The following NBAS variants were observed in gnomAD, a reference collection of about 807,000 sequenced individuals.
NBAS encodes NBAS subunit of NRZ tethering complex, also known as NAG/BC035112 fusion.
NBAS carries 219 observed loss-of-function variants against 302.5 expected under a neutral mutation model. That is an observed-to-expected ratio of 0.72 (90% CI 0.65 to 0.81). NBAS has a LOEUF of 0.81. Ranked by LOEUF, NBAS falls within the 30% of genes least tolerant of loss-of-function variation. NBAS has a pLI of 0.00. For missense variants in NBAS, 2,932 were observed against 2,841.6 expected, an observed-to-expected ratio of 1.03 and a Z score of -0.72; for synonymous variants, 1,118 against 1,021.6, an observed-to-expected ratio of 1.09 and a Z score of -1.80.
At chr2:14,965,098 A>G in the NBAS span, among the ~76,000 whole-genome samples, 1 of 152,134 alleles carries the variant, frequency 6.6e-6, no homozygotes, top group Non-Finnish European at 1.5e-5. Context: ...TCTCAAATCA[A>G]TAACTTCGCC....
At chr2:15,087,832 C>A in the NBAS span, among the ~76,000 whole-genome samples, 2 of 152,232 alleles carry the variant, frequency 1.3e-5, no homozygotes, top group South Asian at 4.1e-4. Flanking sequence ...CATTTGTTCA[C>A]TTAACAAATA....
the NBAS span, among the ~76,000 whole-genome samples, chr2:14,975,962 G>T: frequency 6.6e-6 from 1 of 151,822 alleles, no homozygotes; most frequent in Non-Finnish European, 1.5e-5. Context: ...AACTGGTACT[G>T]AACTAGCTCT....
chr2:15,207,964 G>C (rs1224790992), intron 48 of NBAS, among the ~76,000 whole-genome samples: 2 of 152,118 alleles, frequency 1.3e-5, no homozygotes, highest in Non-Finnish European at 2.9e-5. Context: ...ATGATAAAAA[G>C]GTCAATTCAG....
chr2:15,369,350 A>G (rs921739561), intron 31 of NBAS, among the ~76,000 whole-genome samples: 1 of 152,182 alleles, frequency 6.6e-6, no homozygotes, highest in Non-Finnish European at 1.5e-5. Context: ...GCAATGGATC[A>G]TGATTTTCTC....
chr2:15,473,932 G>C, intron 15 of NBAS, 135 bp downstream of exon 15: 5 of 1,062,968 alleles, frequency 4.7e-6, no homozygotes, highest in Non-Finnish European at 6.9e-6. Context: ...AAGCTTTATA[G>C]AACTGATATT....
chr2:15,220,920 TG>T (rs1666922629), intron 47 of NBAS, among the ~76,000 whole-genome samples: 1 of 152,200 alleles, frequency 6.6e-6, no homozygotes, highest in African/African-American at 2.4e-5. Context: ...TCTTTCAGTA[TG>T]TATTATTTAA....
chr2:15,057,393 CT>C, the NBAS span, among the ~76,000 whole-genome samples: 73,171 of 148,144 alleles, frequency 0.49, 20,126 homozygotes, highest in African/African-American at 0.77. Flanking sequence ...CCTTTGATAC[CT>C]TTTTTTTTTA....
At chr2:15,421,526 TA>T (rs1218198382) in intron 23 of NBAS, among the ~76,000 whole-genome samples, 1 of 151,736 alleles carries the variant, frequency 6.6e-6, no homozygotes, top group Non-Finnish European at 1.5e-5. Context: ...CCACATCAAT[TA>T]AATCTCTAAA....
chr2:14,887,399 C>CAAAAAAA, the NBAS span, among the ~76,000 whole-genome samples: 1 of 84,646 alleles, frequency 1.2e-5, no homozygotes, highest in African/African-American at 4.5e-5. Flanking sequence ...TGAGACTCCT[C>CAAAAAAA]AAAAAAAAAA....
chr2:15,109,191 A>C, the NBAS span, among the ~76,000 whole-genome samples: 25 of 152,190 alleles, frequency 1.6e-4, no homozygotes, highest in African/African-American at 4.6e-4. Flanking sequence ...TGTATATTAT[A>C]GTCTTTGGTG....
chr2:15,315,183 T>C (rs2148181538), intron 38 of NBAS, among the ~76,000 whole-genome samples: 1 of 152,340 alleles, frequency 6.6e-6, no homozygotes, highest in South Asian at 2.1e-4. Flanking sequence ...AAAAAATAGT[T>C]AAAGATATGC....
At chr2:15,356,443 G>T in intron 32 of NBAS, 27 bp from the exon 33 acceptor site, 2 of 1,519,262 alleles carry the variant, frequency 1.3e-6, no homozygotes, top group South Asian at 1.1e-5. Flanking sequence ...AGGACTTAAT[G>T]ATTATGACAA....
chr2:15,150,326 A>G, the NBAS span, among the ~76,000 whole-genome samples: 1 of 152,192 alleles, frequency 6.6e-6, no homozygotes, highest in Admixed American at 6.5e-5. Context: ...ATCAAGGAGA[A>G]CAATAATTAA....
chr2:15,371,365 G>A (rs1674477664), intron 31 of NBAS, among the ~76,000 whole-genome samples: 1 of 151,800 alleles, frequency 6.6e-6, no homozygotes, highest in African/African-American at 2.4e-5. Flanking sequence ...TGCCCAAAGG[G>A]CATTTTGAGA....
At chr2:15,289,951 C>T (rs111440426) in intron 41 of NBAS, among the ~76,000 whole-genome samples, 6 of 151,754 alleles carry the variant, frequency 4.0e-5, no homozygotes, top group Admixed American at 3.3e-4. Context: ...GAGCTGAGAT[C>T]GTGCCACAGC....
the NBAS span, among the ~76,000 whole-genome samples, chr2:14,872,967 C>G: frequency 2.0e-5 from 3 of 152,136 alleles, no homozygotes; most frequent in Non-Finnish European, 4.4e-5. Flanking sequence ...ATACAGGCAG[C>G]GCAGACCCAG....
At chr2:15,126,016 G>A in the NBAS span, among the ~76,000 whole-genome samples, 6 of 152,192 alleles carry the variant, frequency 3.9e-5, no homozygotes, top group South Asian at 2.1e-4. Context: ...CAAATCTCAC[G>A]TTGAAGTGTG....
chr2:14,787,759 T>A, the NBAS span, among the ~76,000 whole-genome samples: 6 of 152,226 alleles, frequency 3.9e-5, no homozygotes, highest in Admixed American at 3.3e-4. Flanking sequence ...TTAATATTTT[T>A]TCCTTCATTT....
At chr2:15,476,185 T>C (rs1051751879) in intron 13 of NBAS, among the ~76,000 whole-genome samples, 1 of 152,166 alleles carries the variant, frequency 6.6e-6, no homozygotes, top group African/African-American at 2.4e-5. Context: ...AGGAGAGAGA[T>C]GTGTCACTAC....
Sources: allele counts gnomAD v4.1 joint callset (sites outside exome capture counted in the v4.1 genomes callset), GRCh38; gene constraint gnomAD v4.1.1; transcripts MANE v1.5; gene names NCBI Gene and HGNC (gene_info 2026-07-23, HGNC 2026-07-21).